SMARCC1: variants seen among roughly 807,000 people sequenced by gnomAD.
The protein encoded by SMARCC1 is SWI/SNF related BAF chromatin remodeling complex subunit C1, also known as SWI/SNF complex subunit SMARCC1.
A neutral mutation model predicts 147.4 loss-of-function variants in SMARCC1; 43 were observed. The observed-to-expected ratio is 0.29, with a 90% CI of 0.23 to 0.38. The LOEUF (loss-of-function observed/expected upper bound fraction) is 0.38. SMARCC1 is among the 10% of genes least tolerant of loss of function. The pLI is 1.00. For synonymous variants in SMARCC1, 495 were observed against 484.4 expected, an observed-to-expected ratio of 1.02 and a Z score of -0.29; for missense variants, 1,119 against 1,381.1, an observed-to-expected ratio of 0.81 and a Z score of 3.01.
intron 19 of SMARCC1, among the ~76,000 whole-genome samples, chr3:47,663,458 C>A (rs952578523): frequency 2.0e-5 from 3 of 152,024 alleles, no homozygotes; most frequent in African/African-American, 7.2e-5. Flanking sequence ...TTTAAAATAA[C>A]ATAAAAGCTG....
intron 25 of SMARCC1, among the ~76,000 whole-genome samples, chr3:47,612,626 T>C (rs1004146600): frequency 1.3e-5 from 2 of 152,240 alleles, no homozygotes; most frequent in African/African-American, 4.8e-5. Context: ...AGGGCCAAGC[T>C]GGGAAGAAAA....
intron 10 of SMARCC1, among the ~76,000 whole-genome samples, chr3:47,705,970 G>A (rs2033987894): frequency 6.6e-6 from 1 of 152,080 alleles, no homozygotes; most frequent in South Asian, 2.1e-4. Flanking sequence ...GTGTAGCCCT[G>A]AACCAGGCGT....
chr3:47,664,942 A>G (rs1264064544), intron 19 of SMARCC1, among the ~76,000 whole-genome samples: 4 of 152,246 alleles, frequency 2.6e-5, no homozygotes, highest in Admixed American at 6.5e-5. Context: ...TGAGCTTTCT[A>G]TAACAATAGT....
chr3:47,735,005 T>C (rs2034423565), intron 5 of SMARCC1, among the ~76,000 whole-genome samples: 1 of 152,178 alleles, frequency 6.6e-6, no homozygotes, highest in African/African-American at 2.4e-5. Context: ...TCCGCCCGCC[T>C]TGGCCTCTCA....
chr3:47,729,914 G>A (rs1286824408), intron 5 of SMARCC1, among the ~76,000 whole-genome samples: 5 of 152,190 alleles, frequency 3.3e-5, no homozygotes, highest in Admixed American at 3.3e-4. Context: ...GCCAGGTGTG[G>A]TGGCTCATGT....
At chr3:47,773,924 A>G (rs1241330245) in intron 1 of SMARCC1, among the ~76,000 whole-genome samples, 1 of 152,036 alleles carries the variant, frequency 6.6e-6, no homozygotes, top group African/African-American at 2.4e-5. Flanking sequence ...GAGCCACCAC[A>G]CTCAGCCTCA....
intron 10 of SMARCC1, among the ~76,000 whole-genome samples, chr3:47,703,821 G>C (rs909381393): frequency 2.6e-5 from 4 of 152,108 alleles, no homozygotes; most frequent in Non-Finnish European, 4.4e-5. Flanking sequence ...TTTTGAGATA[G>C]AGTCTTCCTC....
chr3:47,708,549 T>C (rs2034046007), intron 9 of SMARCC1, among the ~76,000 whole-genome samples: 1 of 152,178 alleles, frequency 6.6e-6, no homozygotes, highest in Admixed American at 6.5e-5. Context: ...AGTTAAATAA[T>C]GTAATATAGA....
intron 24 of SMARCC1, among the ~76,000 whole-genome samples, chr3:47,631,168 G>A (rs1568690): frequency 0.96 from 145,813 of 152,162 alleles, 70,177 homozygotes; most frequent in East Asian, 1. Context: ...AGAGAGAGAA[G>A]GAAAAGAATG....
At chr3:47,708,083 C>CTTTTTTTTTTTTTTTTTTTT (rs915291740) in intron 9 of SMARCC1, among the ~76,000 whole-genome samples, 1 of 64,270 alleles carries the variant, frequency 1.6e-5, no homozygotes, top group African/African-American at 6.6e-5. Context: ...AATTTTTTTT[C>CTTTTTTTTTTTTTTTTTTTT]TTTTTTTTTT....
intron 22 of SMARCC1, among the ~76,000 whole-genome samples, chr3:47,636,788 ATGTG>A (rs35445330): frequency 0.11 from 8,501 of 80,130 alleles, 294 homozygotes; most frequent in East Asian, 0.14. Flanking sequence ...AAATATATAT[ATGTG>A]TGTGTGTGTG....
At position 47,667,868 on chromosome 3, in the gene SMARCC1, T is replaced by G. The variant is rs974611952; in HGVS notation, c.1899+2790A>C. On this transcript the variant is annotated intron_variant, in intron 19 of 27. Coordinates refer to ENST00000254480, the MANE Select transcript of SMARCC1 (RefSeq NM_003074.4). Reference sequence around the variant, plus strand: ...CTCCAGCCTGGTGACAGAGTGAGATTCCTTCTCAAAGAAAAAAGAAACTGT... The same window carrying G: ...CTCCAGCCTGGTGACAGAGTGAGATGCCTTCTCAAAGAAAAAAGAAACTGT... 5.9e-5 allele frequency among the ~76,000 whole-genome samples: 9 copies of G among 151,944 alleles called. No individual in the cohort carries two copies. The East Asian group carries it at 1.7e-3, about 29-fold the overall frequency.
intron 8 of SMARCC1, 40 bp downstream of exon 8, chr3:47,714,375 A>T (rs759997668): frequency 6.7e-5 from 86 of 1,292,302 alleles, no homozygotes; most frequent in Middle Eastern, 2.0e-4. Context: ...AAAAAATTTT[A>T]AAAAGATTAT....
chr3:47,678,347 G>T (rs1362682238), intron 15 of SMARCC1, 36 bp from the exon 16 acceptor site: 1 of 1,028,310 alleles, frequency 9.7e-7, no homozygotes. Context: ...AGGTGGACAT[G>T]TATCCTCTCA....
At chr3:47,597,382 G>A (rs1384397566) in intron 26 of SMARCC1, among the ~76,000 whole-genome samples, 1 of 151,842 alleles carries the variant, frequency 6.6e-6, no homozygotes, top group African/African-American at 2.4e-5. Flanking sequence ...TCACTCTGTT[G>A]CCCAGGCTGG....
intron 10 of SMARCC1, among the ~76,000 whole-genome samples, chr3:47,705,337 A>AC (rs1415997745): frequency 7.9e-5 from 12 of 151,490 alleles, no homozygotes; most frequent in Admixed American, 1.3e-4. Flanking sequence ...AAAAAAAAAA[A>AC]AAAAAACGAA....
At chr3:47,656,260 T>C (rs7649235) in intron 21 of SMARCC1, among the ~76,000 whole-genome samples, 2,538 of 152,278 alleles carry the variant, frequency 0.017, 81 homozygotes, top group African/African-American at 0.058. Context: ...AAGCCGGTAC[T>C]ACGTATAAAG....
rs372342858 is a variant in SMARCC1 at position 47,588,267 on chromosome 3, G to C, written c.3260C>G (p.Pro1087Arg). ...PPQQQPPPPP[P>R]ADGVPPPPAP... ...AGGAGGCGGAGGGACCCCATCTGCAGGTGGTGGTGGCGGTGGCTGCTGCTG... is the reference window on the plus strand; with the variant it reads ...AGGAGGCGGAGGGACCCCATCTGCACGTGGTGGTGGCGGTGGCTGCTGCTG... The change falls in exon 28 of 28, where the codon CCT becomes CGT. Residue 1087 changes from proline (P) to arginine (R), a missense_variant. Around this residue, in one of 6 missense-constraint regions of SMARCC1, gnomAD observed 186 missense variants for 216.5 expected, o/e 0.86. Transcript: ENST00000254480. 6.2e-7 allele frequency: 1 copy of C among 1,614,046 alleles called. No individual in the cohort carries two copies. Among genetic ancestry groups the C allele is most frequent in the East Asian group, 2.2e-5 (1 of 44,862 alleles).
intron 21 of SMARCC1, among the ~76,000 whole-genome samples, chr3:47,646,260 A>G (rs1189685987): frequency 3.3e-5 from 5 of 152,234 alleles, no homozygotes; most frequent in Non-Finnish European, 7.3e-5. Flanking sequence ...TAAATCTCTT[A>G]TATCTCTTGA....
Sources: gnomAD v4.1 joint callset for allele counts (sites outside exome capture counted in the v4.1 genomes callset) on GRCh38, gnomAD v4.1.1 for gene constraint, gnomAD v4.1.1 regional missense constraint, MANE v1.5 for transcripts, NCBI Gene and HGNC (gene_info 2026-07-23, HGNC 2026-07-21) for gene names.